GJA8: variants seen among roughly 807,000 people sequenced by gnomAD.
GJA8 encodes gap junction protein alpha 8.
Under a neutral mutation model 15.3 loss-of-function variants are expected in GJA8, and 13 were observed. That is an observed-to-expected ratio of 0.85 (90% CI 0.55 to 1.35). The LOEUF (loss-of-function observed/expected upper bound fraction) is 1.35. Among genes scored for constraint, GJA8 ranks in the 40% most tolerant of loss-of-function variants. The pLI is 0.00. For synonymous variants in GJA8, 304 were observed against 238.7 expected (o/e 1.27, Z -2.52); for missense variants, 607 against 553.3 (o/e 1.10, Z -0.97).
rs1252076887 is a variant in GJA8 at position 147,906,243 on chromosome 1, G to C, written c.-11-1702G>C. Among the ~76,000 whole-genome samples the C allele has an allele frequency of 2.0e-5, 3 of 152,254 alleles. No individual in the cohort carries two copies. In the East Asian group the frequency reaches 5.8e-4, roughly 29 times the overall value. On this transcript the variant is annotated intron_variant, in intron 1 of 1. Transcript: ENST00000369235. ...ATCCTCTAACATGGGCTCTTGCCCT[G>C]GTCTGAGGGCAGTGATGAGTAAACT...
chr1:147,909,424 C>G (rs1248097074), downstream of GJA8, among the ~76,000 whole-genome samples: 2 of 152,164 alleles, frequency 1.3e-5, no homozygotes, highest in African/African-American at 4.8e-5. Context: ...AGGAAACAGT[C>G]TTTCCCACAT....
downstream of GJA8, among the ~76,000 whole-genome samples, chr1:147,910,727 G>A (rs1652083132): frequency 6.6e-6 from 1 of 152,188 alleles, no homozygotes; most frequent in African/African-American, 2.4e-5. Context: ...CTGCTCACAG[G>A]CATGTCCTGG....
chr1:147,912,647 T>C (rs1218860211), downstream of GJA8, among the ~76,000 whole-genome samples: 2 of 152,054 alleles, frequency 1.3e-5, no homozygotes, highest in Admixed American at 6.5e-5. Context: ...AGATTTCATT[T>C]CTACTCCTAG....
Position 147,908,866 on chromosome 1 carries a change from T to C in GJA8, c.911T>C (p.Ile304Thr). ...CCTTTCAATCAGTTCGAGGAGAAGA[T>C]CAGCACAGGACCCCTGGGGGACTTG... ...AKPFNQFEEK[I>T]STGPLGDLSR... Residue 304 changes from isoleucine (I) to threonine (T), a missense_variant, in exon 2 of 2, where the codon ATC becomes ACC. Coordinates refer to ENST00000369235, the MANE Select transcript of GJA8 (RefSeq NM_005267.5). The C allele has an allele frequency of 6.2e-7, 1 of 1,614,098 alleles. No homozygotes were observed. The highest frequency in any genetic ancestry group is 8.5e-7 in the Non-Finnish European group (1 of 1,180,020).
rs781944560 is a variant in GJA8, at chr1:147,908,532, G to C, written c.577G>C (p.Asp193His). Residue 193 changes from aspartate to histidine, a missense_variant, in exon 2 of 2, where the codon GAC becomes CAC. By Grantham distance (81) the Asp-to-His change is moderately conservative (BLOSUM62 -1). Coordinates refer to ENST00000369235, the MANE Select transcript of GJA8 (RefSeq NM_005267.5). ...CSRWPCPNVVDCFVSRPTEKT... is the reference protein window; with the variant it reads ...CSRWPCPNVVHCFVSRPTEKT... Reference sequence around the variant, plus strand: ...CCGGTGGCCCTGCCCCAATGTGGTGGACTGCTTCGTGTCCCGGCCCACGGA... The same window carrying C: ...CCGGTGGCCCTGCCCCAATGTGGTGCACTGCTTCGTGTCCCGGCCCACGGA... 42 of 1,614,068 alleles carry C rather than the reference G, an allele frequency of 2.6e-5. No homozygotes were observed. The highest frequency in any genetic ancestry group is 8.9e-5 in the East Asian group (4 of 44,888).
chr1:147,905,785 G>T (rs3937906), intron 1 of GJA8, among the ~76,000 whole-genome samples: 31,343 of 152,052 alleles, frequency 0.21, 4,188 homozygotes, highest in African/African-American at 0.37. Flanking sequence ...TGAGTTGCTG[G>T]TTCCGATTCC....
intron 1 of GJA8, among the ~76,000 whole-genome samples, chr1:147,904,332 T>C (rs966082071): frequency 7.0e-6 from 1 of 142,808 alleles, no homozygotes; most frequent in African/African-American, 2.5e-5. Context: ...CTGTGAAATC[T>C]AAGTCTGAGA....
At position 147,908,006 on chromosome 1, in the gene GJA8, C is replaced by T. The variant is rs782289702; in HGVS notation, c.51C>T (p.His17=). The change falls in exon 2 of 2, where the codon CAC becomes CAT. Residue 17 remains histidine (H), a synonymous_variant. Coordinates refer to ENST00000369235, the MANE Select transcript of GJA8 (RefSeq NM_005267.5). The part of the protein sequence containing the change: ...LGNILEEVNE[H]STVIGRVWLT... ...ACATCTTGGAGGAGGTGAATGAGCACTCCACCGTCATCGGCAGAGTCTGGC... is the reference window on the plus strand; with the variant it reads ...ACATCTTGGAGGAGGTGAATGAGCATTCCACCGTCATCGGCAGAGTCTGGC... 32 of 1,613,876 alleles carry T rather than the reference C, an allele frequency of 2.0e-5. No individual in the cohort carries two copies. The highest frequency in any genetic ancestry group is 2.7e-5 in the African/African-American group (2 of 74,928).
rs886242039 is a variant in GJA8, at chr1:147,908,364, G to A, written c.409G>A (p.Gly137Ser). The A allele has an allele frequency of 6.2e-7, 1 of 1,614,194 alleles. No individual in the cohort carries two copies. The highest frequency in any genetic ancestry group is 8.5e-7 in the Non-Finnish European group (1 of 1,180,030). ...CGTCAAGAAGAGCAGCGGCAGCAAA[G>A]GCACTAAGAAGTTCCGGCTGGAGGG... ...GSVKKSSGSK[G>S]TKKFRLEGTL... Residue 137 changes from glycine (G) to serine (S), a missense_variant, in exon 2 of 2, where the codon GGC becomes AGC. By Grantham distance (56) the Gly-to-Ser change is moderately conservative (BLOSUM62 0). Transcript: ENST00000369235.
intron 1 of GJA8, among the ~76,000 whole-genome samples, chr1:147,907,594 A>C (rs587608304): frequency 2.6e-4 from 39 of 152,290 alleles, no homozygotes; most frequent in Non-Finnish European, 4.4e-4. Context: ...CCATGTAACC[A>C]AGGGTTTCTA....
chr1:147,909,107 A>C lies in GJA8; in HGVS notation c.1152A>C (p.Glu384Asp). 1 of 1,613,664 alleles carries C rather than the reference A, an allele frequency of 6.2e-7. No individual in the cohort carries two copies. The highest frequency in any genetic ancestry group is 1.1e-5 in the South Asian group (1 of 91,014). Residue 384 changes from glutamate to aspartate, a missense_variant, in exon 2 of 2, where the codon GAA (glutamate) becomes GAC (aspartate). By Grantham distance (45) the Glu-to-Asp change is conservative. Coordinates refer to ENST00000369235, the MANE Select transcript of GJA8 (RefSeq NM_005267.5). The part of the protein sequence containing the change: ...TPGVDKEGEK[E>D]EPQSEKVSKQ... Reference sequence around the variant, plus strand: ...GAGTGGATAAGGAGGGTGAAAAAGAAGAGCCGCAGTCGGAGAAGGTGTCAA... The same window carrying C: ...GAGTGGATAAGGAGGGTGAAAAAGACGAGCCGCAGTCGGAGAAGGTGTCAA...
At position 147,908,990 on chromosome 1, in the gene GJA8, G is replaced by A. The variant is rs1651962435; in HGVS notation, c.1035G>A (p.Glu345=). 1 of 1,596,302 alleles carries A rather than the reference G, an allele frequency of 6.3e-7. No individual in the cohort carries two copies. Among genetic ancestry groups the A allele is most frequent in the Admixed American group, 1.8e-5 (1 of 56,760 alleles). ...CTGCAGAGGAGGGAGCCGAACCCGA[G>A]GTGGGAGAGAAGAAGGAGGAAGCAG... ...GPPAEEGAEP[E]VGEKKEEAER... Residue 345 remains glutamate (E), a synonymous_variant, in exon 2 of 2, where the codon GAG becomes GAA. Transcript: ENST00000369235.
rs150041151 is a variant in GJA8 at position 147,909,229 on chromosome 1, G to C, written c.1274G>C (p.Arg425Pro). The change falls in exon 2 of 2, where the codon CGA becomes CCA. Residue 425 changes from arginine to proline, a missense_variant. Arg to Pro is a moderately radical substitution (Grantham distance 103, BLOSUM62 -2). Coordinates refer to ENST00000369235, the MANE Select transcript of GJA8 (RefSeq NM_005267.5). ...AGCAGGCTAAGCAAAGCCAGCAGCC[G>C]AGCCAGGTCAGACGATCTAACCGTA... ...PLSRLSKASSRARSDDLTV is the reference protein window; with the variant it reads ...PLSRLSKASSPARSDDLTV 6 of 1,567,110 alleles carry C rather than the reference G, an allele frequency of 3.8e-6. No homozygotes were observed. The highest frequency in any genetic ancestry group is 5.2e-6 in the Non-Finnish European group (6 of 1,149,614).
chr1:147,912,471 A>T (rs1652201972), downstream of GJA8, among the ~76,000 whole-genome samples: 1 of 152,214 alleles, frequency 6.6e-6, no homozygotes, highest in African/African-American at 2.4e-5. Context: ...TCTGAGAAAG[A>T]GGTCCCATCT....
At chr1:147,907,826 T>G in intron 1 of GJA8, 119 bp from the exon 2 acceptor site, 1 of 765,284 alleles carries the variant, frequency 1.3e-6, no homozygotes. Context: ...AGACGCTGTG[T>G]GCACATTGAC....
chr1:147,909,135 C>CA lies in GJA8; in HGVS notation c.1182dup (p.Gly395ArgfsTer5). On this transcript the variant is annotated frameshift_variant, in exon 2 of 2. Transcript: ENST00000369235. LOFTEE classifies it high-confidence loss of function. ...GCCGCAGTCGGAGAAGGTGTCAAAGCAAGGGCTGCCAGCTGAGAAGACACC... is the reference window on the plus strand; with the variant it reads ...GCCGCAGTCGGAGAAGGTGTCAAAGCAAAGGGCTGCCAGCTGAGAAGACACC... The CA allele has an allele frequency of 6.2e-7, 1 of 1,614,000 alleles. No individual in the cohort carries two copies. The highest frequency in any genetic ancestry group is 8.5e-7 in the Non-Finnish European group (1 of 1,179,950).
In GJA8 at chr1:147,908,525, T is replaced by C. The variant is rs1359983816; in HGVS notation, c.570T>C (p.Asn190=). The change falls in exon 2 of 2, where the codon AAT becomes AAC. Residue 190 remains asparagine, a synonymous_variant. Transcript: ENST00000369235. The part of the protein sequence containing the change: ...LYRCSRWPCP[N]VVDCFVSRPT... Reference sequence around the variant, plus strand: ...GCTGCAGCCGGTGGCCCTGCCCCAATGTGGTGGACTGCTTCGTGTCCCGGC... The same window carrying C: ...GCTGCAGCCGGTGGCCCTGCCCCAACGTGGTGGACTGCTTCGTGTCCCGGC... The C allele has an allele frequency of 6.8e-6, 11 of 1,614,032 alleles. No homozygotes were observed. The Admixed American group carries it at 1.7e-4, about 24-fold the overall frequency.
In GJA8 at chr1:147,908,596, C is replaced by T; in HGVS notation, c.641C>T (p.Ser214Phe). Reference protein sequence around the residue: ...IFILFMLSVASVSLFLNVMEL... With the variant: ...IFILFMLSVAFVSLFLNVMEL... ...ATCCTGTTCATGTTGTCTGTGGCCT[C>T]TGTGTCCCTATTCCTCAACGTGATG... The change falls in exon 2 of 2, where the codon TCT becomes TTT. Residue 214 changes from serine to phenylalanine, a missense_variant. Physicochemically the swap from Ser to Phe is radical, Grantham distance 155. Transcript: ENST00000369235. 1 of 1,614,148 alleles carries T rather than the reference C, an allele frequency of 6.2e-7. No individual in the cohort carries two copies. The highest frequency in any genetic ancestry group is 8.5e-7 in the Non-Finnish European group (1 of 1,180,036).
intron 1 of GJA8, among the ~76,000 whole-genome samples, chr1:147,905,643 G>A (rs1324011955): frequency 2.0e-5 from 3 of 152,166 alleles, no homozygotes; most frequent in Non-Finnish European, 4.4e-5. Flanking sequence ...TTATGCTTGG[G>A]CTGCTTACCT....
Sources: allele counts gnomAD v4.1 joint callset (sites outside exome capture counted in the v4.1 genomes callset), GRCh38; gene constraint gnomAD v4.1.1; transcripts MANE v1.5; gene names NCBI Gene and HGNC (gene_info 2026-07-23, HGNC 2026-07-21).